Variants in SH3BGRL2 observed in about 807,000 individuals in gnomAD.
SH3BGRL2 encodes the protein SH3 domain-binding glutamic acid-rich-like protein 2.
In SH3BGRL2, 21 loss-of-function variants were observed where a neutral mutation model predicts 14.8. The ratio of observed to expected loss-of-function variants is 1.42; its 90% CI spans 1.01 to 2.05. The LOEUF (loss-of-function observed/expected upper bound fraction) is 2.05. SH3BGRL2 is among the 30% of genes most tolerant of loss of function. The pLI, the probability that SH3BGRL2 is intolerant of heterozygous loss-of-function variation, is 0.00. For missense variants in SH3BGRL2, 147 were observed against 130.8 expected (o/e 1.12, Z -0.61); for synonymous variants, 50 against 47.8 (o/e 1.05, Z -0.19).
At chr6:79,657,620 T>A (rs6913752) in intron 1 of SH3BGRL2, among the ~76,000 whole-genome samples, 68,230 of 151,654 alleles carry the variant, frequency 0.45, 16,223 homozygotes, top group Non-Finnish European at 0.53. Context: ...TAATTTTTTT[T>A]AATTTTTTTT....
the SH3BGRL2 span, among the ~76,000 whole-genome samples, chr6:79,578,839 A>G: frequency 4.0e-4 from 61 of 152,308 alleles, 1 homozygote; most frequent in East Asian, 9.6e-3. Context: ...AAATTCAGTA[A>G]TAACAAACTT....
chr6:79,560,325 T>TTAG, the SH3BGRL2 span, among the ~76,000 whole-genome samples: 1 of 152,180 alleles, frequency 6.6e-6, no homozygotes, highest in African/African-American at 2.4e-5. Context: ...AGTAGAAGGA[T>TTAG]TAGTAACCTA....
chr6:79,659,811 T>C (rs1316599349), intron 1 of SH3BGRL2, among the ~76,000 whole-genome samples: 1 of 152,206 alleles, frequency 6.6e-6, no homozygotes, highest in Non-Finnish European at 1.5e-5. Flanking sequence ...CTCTCTTATT[T>C]CTTTGAGCAG....
chr6:79,629,426 T>A (rs1269653459), upstream of SH3BGRL2, among the ~76,000 whole-genome samples: 1 of 150,534 alleles, frequency 6.6e-6, no homozygotes. Context: ...CCCTGCTGTA[T>A]GTACAGGGCT....
chr6:79,540,730 T>C, the SH3BGRL2 span, among the ~76,000 whole-genome samples: 19,196 of 152,084 alleles, frequency 0.13, 1,363 homozygotes, highest in African/African-American at 0.16. Context: ...AACTACTGAT[T>C]AACACGGATT....
chr6:79,693,569 C>G (rs936579097), intron 2 of SH3BGRL2, among the ~76,000 whole-genome samples: 54 of 151,374 alleles, frequency 3.6e-4, no homozygotes, highest in African/African-American at 1.1e-3. Context: ...TAGCATGAAG[C>G]GTTGTTGAAT....
intron 1 of SH3BGRL2, among the ~76,000 whole-genome samples, chr6:79,645,771 T>C (rs1394767274): frequency 6.6e-6 from 1 of 152,238 alleles, no homozygotes; most frequent in Non-Finnish European, 1.5e-5. Context: ...TATTTCACAT[T>C]ATTAACTGTC....
intron 1 of SH3BGRL2, among the ~76,000 whole-genome samples, chr6:79,640,803 T>C (rs1275157337): frequency 1.3e-5 from 2 of 152,112 alleles, no homozygotes; most frequent in Non-Finnish European, 2.9e-5. Context: ...GTTTGCCATT[T>C]CCTACTGGGT....
At chr6:79,542,646 C>T in the SH3BGRL2 span, among the ~76,000 whole-genome samples, 3 of 152,112 alleles carry the variant, frequency 2.0e-5, no homozygotes, top group East Asian at 1.9e-4. Flanking sequence ...GTTGGCTTAT[C>T]GGTAGGTTCT....
At chr6:79,603,077 T>C in the SH3BGRL2 span, among the ~76,000 whole-genome samples, 1 of 152,196 alleles carries the variant, frequency 6.6e-6, no homozygotes, top group Non-Finnish European at 1.5e-5. Context: ...GCTGTTGCTA[T>C]GGAAACATTG....
chr6:79,545,163 A>G, the SH3BGRL2 span, among the ~76,000 whole-genome samples: 1 of 152,172 alleles, frequency 6.6e-6, no homozygotes, highest in Non-Finnish European at 1.5e-5. Flanking sequence ...TCATCTTAAC[A>G]ATGACCTGTT....
At chr6:79,552,899 A>G in the SH3BGRL2 span, 10 of 152,214 alleles carry the variant, frequency 6.6e-5, no homozygotes, top group African/African-American at 9.6e-5. Flanking sequence ...GTTAAGTTAG[A>G]TGGTTCTCAT....
the SH3BGRL2 span, among the ~76,000 whole-genome samples, chr6:79,570,243 C>T: frequency 6.6e-6 from 1 of 152,130 alleles, no homozygotes; most frequent in Non-Finnish European, 1.5e-5. Flanking sequence ...CAGAAATCTC[C>T]TAACACAACA....
the SH3BGRL2 span, among the ~76,000 whole-genome samples, chr6:79,567,664 G>A: frequency 1.4e-4 from 22 of 152,082 alleles, no homozygotes; most frequent in Non-Finnish European, 2.8e-4. Flanking sequence ...ACTTCCTGAA[G>A]AAAATAGATT....
At chr6:79,543,600 T>C in the SH3BGRL2 span, among the ~76,000 whole-genome samples, 3 of 152,224 alleles carry the variant, frequency 2.0e-5, no homozygotes, top group African/African-American at 7.2e-5. Context: ...CAGTTGTCTT[T>C]AATCCCCCAC....
intron 1 of SH3BGRL2, among the ~76,000 whole-genome samples, chr6:79,661,618 G>T (rs1270467401): frequency 6.6e-6 from 1 of 152,184 alleles, no homozygotes; most frequent in Non-Finnish European, 1.5e-5. Context: ...TTGATTTGGG[G>T]TGAAGAGTTC....
intron 1 of SH3BGRL2, among the ~76,000 whole-genome samples, chr6:79,668,444 G>A (rs910268094): frequency 2.6e-5 from 4 of 152,068 alleles, no homozygotes; most frequent in African/African-American, 4.8e-5. Context: ...AGGGCCCTGT[G>A]GGGGTGAGTC....
the SH3BGRL2 span, among the ~76,000 whole-genome samples, chr6:79,568,821 A>G: frequency 6.6e-6 from 1 of 152,120 alleles, no homozygotes. Flanking sequence ...GAGCAGGCTT[A>G]TTTTATTTTT....
intron 1 of SH3BGRL2, among the ~76,000 whole-genome samples, chr6:79,650,001 A>G (rs1769253481): frequency 6.6e-6 from 1 of 151,740 alleles, no homozygotes; most frequent in Admixed American, 6.6e-5. Flanking sequence ...ACACACACAC[A>G]CACACACACA....
Sources: gnomAD v4.1 joint callset for allele counts (sites outside exome capture counted in the v4.1 genomes callset) on GRCh38, gnomAD v4.1.1 for gene constraint, MANE v1.5 for transcripts, NCBI Gene and HGNC (gene_info 2026-07-23, HGNC 2026-07-21) for gene names.